Variants in TNFAIP8L1 observed in about 807,000 individuals in gnomAD.
TNFAIP8L1 encodes tumor necrosis factor alpha-induced protein 8-like protein 1.
For missense variants in TNFAIP8L1, 225 were observed against 266.1 expected (o/e 0.85, Z 1.08); for synonymous variants, 127 against 125.6 (o/e 1.01, Z -0.08).
At chr19:4,646,305 T>C (rs2088310818) in intron 1 of TNFAIP8L1, among the ~76,000 whole-genome samples, 1 of 150,006 alleles carries the variant, frequency 6.7e-6, no homozygotes, top group Non-Finnish European at 1.5e-5. Flanking sequence ...TTTTTTTTTT[T>C]CAGTTGAGTC....
At position 4,652,247 on chromosome 19, in the gene TNFAIP8L1, G is replaced by T; in HGVS notation, c.378G>T (p.Leu126=). ...CCGGGCTGCTCGAGTGCCGCGACCTGCTGCACCAGGCCGTGGGTCCCCACC... is the reference window on the plus strand; with the variant it reads ...CCGGGCTGCTCGAGTGCCGCGACCTTCTGCACCAGGCCGTGGGTCCCCACC... The part of the protein sequence containing the change: ...LAAGLLECRD[L]LHQAVGPHLT... The change falls in exon 2 of 2, where the codon CTG becomes CTT. Residue 126 remains leucine (L), a synonymous_variant. Transcript: ENST00000327473. 1 of 1,556,766 alleles carries T rather than the reference G, an allele frequency of 6.4e-7. No homozygotes were observed.
At chr19:4,643,785 C>T (rs2088284385) in intron 1 of TNFAIP8L1, among the ~76,000 whole-genome samples, 1 of 151,486 alleles carries the variant, frequency 6.6e-6, no homozygotes, top group South Asian at 2.1e-4. Flanking sequence ...AAATACAAAA[C>T]TTAGCCAGGC....
At position 4,653,574 on chromosome 19, in the gene TNFAIP8L1, G is replaced by C. The variant is rs1328730916; in HGVS notation, c.*1144G>C. ...GATCGAGACCATCCTGGCCAACATG[G>C]TGAAACCCCGTCTCTACTAAAAATA... On this transcript the variant is annotated 3_prime_UTR_variant, in exon 2 of 2. Transcript: ENST00000327473. 1 of 156,844 alleles carries C rather than the reference G, an allele frequency of 6.4e-6. No homozygotes were observed. The highest frequency in any genetic ancestry group is 6.6e-5 in the Admixed American group (1 of 15,146). The allele number at this position is 156,844 out of a possible 1,614,324, so 9.7% of individuals were successfully genotyped here. A position where few individuals can be genotyped will look rare whatever the true frequency, so the allele number is the denominator to read the frequency against.
intron 1 of TNFAIP8L1, among the ~76,000 whole-genome samples, chr19:4,642,675 C>A (rs1391780603): frequency 6.7e-6 from 1 of 149,500 alleles, no homozygotes; most frequent in Admixed American, 6.7e-5. Flanking sequence ...GGCAAGATGG[C>A]GCCTGGCATG....
Position 4,641,331 on chromosome 19 carries a change from C to G in TNFAIP8L1, c.-4+1702C>G, listed in dbSNP as rs1305144479. 6.6e-6 allele frequency: 1 copy of G among 152,062 alleles called. No homozygotes were observed. Among genetic ancestry groups the G allele is most frequent in the African/African-American group, 2.4e-5 (1 of 41,358 alleles). The allele number at this position is 152,062 out of a possible 1,614,324, so 9.4% of individuals were successfully genotyped here. A position where few individuals can be genotyped will look rare whatever the true frequency, so the allele number is the denominator to read the frequency against. The stretch of plus-strand genomic sequence containing the variant: ...AAAACTCCAGCCGTTGACAGGGGAA[C>G]ACTCCTCCCAGAGAGACGTCAACGC... On this transcript the variant is annotated intron_variant, in intron 1 of 1. Coordinates refer to ENST00000327473, the MANE Select transcript of TNFAIP8L1 (RefSeq NM_152362.3). This position sits in a 1 kb window ranked among gnomAD's most constrained non-coding sequence, Gnocchi z 4.6.
In TNFAIP8L1 at chr19:4,654,901, T is replaced by C. The variant is rs2088409387; in HGVS notation, c.*2471T>C. On this transcript the variant is annotated 3_prime_UTR_variant, in exon 2 of 2. Coordinates refer to ENST00000327473, the MANE Select transcript of TNFAIP8L1 (RefSeq NM_152362.3). ...GTGGGGGAGGTGAAACAAGGTCCCA[T>C]GACTGTTTTGCAGAACCTTGTCTGT... 6.6e-6 allele frequency: 1 copy of C among 152,222 alleles called. No individual in the cohort carries two copies. The highest frequency in any genetic ancestry group is 2.4e-5 in the African/African-American group (1 of 41,444). 9.4% of individuals were successfully genotyped at this position (152,222 alleles called of 1,614,324 possible).
chr19:4,654,933 T>C lies in TNFAIP8L1; in HGVS notation c.*2503T>C, dbSNP rs1396564289. ...TTTGCAGAACCTTGTCTGTGGAGGGTAGAGGTTGCGGCAGGGGCCTGTGGG... is the reference window on the plus strand; with the variant it reads ...TTTGCAGAACCTTGTCTGTGGAGGGCAGAGGTTGCGGCAGGGGCCTGTGGG... On this transcript the variant is annotated 3_prime_UTR_variant, in exon 2 of 2. Transcript: ENST00000327473. The C allele has an allele frequency of 6.6e-6, 1 of 152,036 alleles. No individual in the cohort carries two copies. Among genetic ancestry groups the C allele is most frequent in the Admixed American group, 6.6e-5 (1 of 15,258 alleles). The allele number at this position is 152,036 out of a possible 1,614,324, so 9.4% of individuals were successfully genotyped here. A position where few individuals can be genotyped will look rare whatever the true frequency, so the allele number is the denominator to read the frequency against.
chr19:4,649,197 T>C lies in TNFAIP8L1; in HGVS notation c.-3-2670T>C, dbSNP rs376795427. 1.8e-4 allele frequency among the ~76,000 whole-genome samples: 27 copies of C among 151,688 alleles called. No individual in the cohort carries two copies. In the East Asian group the frequency reaches 1.9e-3, roughly 11 times the overall value. On this transcript the variant is annotated intron_variant, in intron 1 of 1. Coordinates refer to ENST00000327473, the MANE Select transcript of TNFAIP8L1 (RefSeq NM_152362.3). Reference sequence around the variant, plus strand: ...CTCCCGCCTTGGCTTCCGAAAGTGCTGGGATTACAGGTGTGAGCCACCGCG... The same window carrying C: ...CTCCCGCCTTGGCTTCCGAAAGTGCCGGGATTACAGGTGTGAGCCACCGCG...
At chr19:4,649,195 G>C (rs1438765120) in intron 1 of TNFAIP8L1, among the ~76,000 whole-genome samples, 1 of 151,548 alleles carries the variant, frequency 6.6e-6, no homozygotes, top group Non-Finnish European at 1.5e-5. Context: ...TTCCGAAAGT[G>C]CTGGGATTAC....
chr19:4,655,067 A>G lies in TNFAIP8L1; in HGVS notation c.*2637A>G, dbSNP rs528801862. On this transcript the variant is annotated 3_prime_UTR_variant, in exon 2 of 2. Coordinates refer to ENST00000327473, the MANE Select transcript of TNFAIP8L1 (RefSeq NM_152362.3). ...ATCACACACACCTGTCTGGATTTGG[A>G]GTTTCTCTTGAAAACTCGCCAGTCC... 4.6e-5 allele frequency: 7 copies of G among 152,220 alleles called. No individual in the cohort carries two copies. The East Asian group carries it at 1.2e-3, about 25-fold the overall frequency. The allele number at this position is 152,220 out of a possible 1,614,324, so 9.4% of individuals were successfully genotyped here. A position where few individuals can be genotyped will look rare whatever the true frequency, so the allele number is the denominator to read the frequency against.
rs1023100459 is a variant in TNFAIP8L1, at chr19:4,654,240, C to T, written c.*1810C>T. On this transcript the variant is annotated 3_prime_UTR_variant, in exon 2 of 2. Transcript: ENST00000327473. ...GAAGCTGGAGACCTCTGCCCTGGGT[C>T]GGGAGGGGAAACTGCTCCAATCCAG... 6 of 152,220 alleles carry T rather than the reference C, an allele frequency of 3.9e-5. No individual in the cohort carries two copies. The highest frequency in any genetic ancestry group is 2.1e-4 in the South Asian group (1 of 4,834). 9.4% of individuals were successfully genotyped at this position (152,220 alleles called of 1,614,324 possible). A position where few individuals can be genotyped will look rare whatever the true frequency, so the allele number is the denominator to read the frequency against.
rs926676618 is a variant in TNFAIP8L1 at position 4,652,495 on chromosome 19, G to A, written c.*65G>A. Reference sequence around the variant, plus strand: ...GGCTCTCCTGCTGGGCGCGGGTGGGGTTTGTGGGTTTTTTTCCACCTCTTT... The same window carrying A: ...GGCTCTCCTGCTGGGCGCGGGTGGGATTTGTGGGTTTTTTTCCACCTCTTT... On this transcript the variant is annotated 3_prime_UTR_variant, in exon 2 of 2. Transcript: ENST00000327473. 3.5e-6 allele frequency: 5 copies of A among 1,420,770 alleles called. No individual in the cohort carries two copies. In the African/African-American group the frequency reaches 4.4e-5, roughly 13 times the overall value. The allele number at this position is 1,420,770 out of a possible 1,614,324, so 88.0% of individuals were successfully genotyped here. A position where few individuals can be genotyped will look rare whatever the true frequency, so the allele number is the denominator to read the frequency against.
Position 4,652,170 on chromosome 19 carries a change from G to A in TNFAIP8L1, c.301G>A (p.Ala101Thr). The A allele has an allele frequency of 6.4e-7, 1 of 1,551,432 alleles. No individual in the cohort carries two copies. Among genetic ancestry groups the A allele is most frequent in the South Asian group, 1.2e-5 (1 of 85,118 alleles). Residue 101 changes from alanine (A) to threonine (T), a missense_variant, in exon 2 of 2, where the codon GCC becomes ACC. Ala to Thr is a moderately conservative substitution (Grantham distance 58). Transcript: ENST00000327473. Reference sequence around the variant, plus strand: ...CCGGGCGCGCTGCCTGGCCATGACGGCCGTCAGCTTCCACCAGGTGGACTT... The same window carrying A: ...CCGGGCGCGCTGCCTGGCCATGACGACCGTCAGCTTCCACCAGGTGGACTT... ...RHRARCLAMT[A>T]VSFHQVDFTF...
rs893894530 is a variant in TNFAIP8L1 at position 4,652,220 on chromosome 19, C to G, written c.351C>G (p.Ala117=). The G allele has an allele frequency of 6.5e-7, 1 of 1,545,964 alleles. No homozygotes were observed. The highest frequency in any genetic ancestry group is 1.4e-5 in the African/African-American group (1 of 73,090). ...TCACCTTCGACCGGCGCGTGCTGGC[C>G]GCCGGGCTGCTCGAGTGCCGCGACC... is the stretch of plus-strand genomic sequence containing the variant. ...VDFTFDRRVL[A]AGLLECRDLL... Residue 117 remains alanine, a synonymous_variant, in exon 2 of 2, where the codon GCC becomes GCG. Transcript: ENST00000327473.
chr19:4,652,570 T>G lies in TNFAIP8L1; in HGVS notation c.*140T>G. 1 of 828,310 alleles carries G rather than the reference T, an allele frequency of 1.2e-6. No homozygotes were observed. Among genetic ancestry groups the G allele is most frequent in the Non-Finnish European group, 1.8e-6 (1 of 547,884 alleles). 51.3% of individuals were successfully genotyped at this position (828,310 alleles called of 1,614,324 possible). On this transcript the variant is annotated 3_prime_UTR_variant, in exon 2 of 2. Coordinates refer to ENST00000327473, the MANE Select transcript of TNFAIP8L1 (RefSeq NM_152362.3). ...CTCCCCTAGACAGATGGGTGACCTG[T>G]CTCCTTTGAGAGGATGCTGAGGCAT...
chr19:4,642,482 C>CA (rs56182452), intron 1 of TNFAIP8L1: 32,392 of 130,850 alleles, frequency 0.25, 3,863 homozygotes, highest in South Asian at 0.34. Context: ...GACTCCATCT[C>CA]AAAAAAAAAA....
intron 1 of TNFAIP8L1, among the ~76,000 whole-genome samples, chr19:4,647,885 C>T (rs2088327231): frequency 6.6e-6 from 1 of 152,034 alleles, no homozygotes; most frequent in African/African-American, 2.4e-5. Flanking sequence ...GCCTTGGCCT[C>T]TTAAAGTGTT....
chr19:4,648,323 C>T (rs1006456264), intron 1 of TNFAIP8L1, among the ~76,000 whole-genome samples: 2 of 152,230 alleles, frequency 1.3e-5, no homozygotes, highest in Admixed American at 6.5e-5. Flanking sequence ...AGGGCTGATG[C>T]GGCCGCTACA....
At chr19:4,651,156 G>C (rs1308756675) in intron 1 of TNFAIP8L1, among the ~76,000 whole-genome samples, 15 of 151,858 alleles carry the variant, frequency 9.9e-5, no homozygotes, top group East Asian at 1.9e-4. Flanking sequence ...GTGAGGGTGG[G>C]GAGTGTTGAG....
Sources: gnomAD v4.1 joint callset for allele counts (sites outside exome capture counted in the v4.1 genomes callset) on GRCh38, gnomAD v4.1.1 for gene constraint, Gnocchi (gnomAD v3.1) non-coding constraint, MANE v1.5 for transcripts, NCBI Gene and HGNC (gene_info 2026-07-23, HGNC 2026-07-21) for gene names.